The following SMYD3 variants were observed in gnomAD, a reference collection of about 807,000 sequenced individuals.
SMYD3 encodes SET and MYND domain containing 3, also known as histone-lysine N-methyltransferase SMYD3.
Under a neutral mutation model 57.7 loss-of-function variants are expected in SMYD3, and 36 were observed. The ratio of observed to expected loss-of-function variants is 0.62; its 90% CI spans 0.48 to 0.82. SMYD3 has a LOEUF of 0.82. SMYD3 is among the 40% of genes least tolerant of loss of function. SMYD3 has a pLI of 0.00. For synonymous variants in SMYD3, 211 were observed against 195.0 expected, an observed-to-expected ratio of 1.08 and a Z score of -0.68; for missense variants, 515 against 538.8, an observed-to-expected ratio of 0.96 and a Z score of 0.44.
chr1:245,977,049 G>GGCCCAGGGAAAGCCATCGTCTCTA lies in SMYD3; in HGVS notation c.532-47136_532-47113dup, dbSNP rs1558551473. On this transcript the variant is annotated intron_variant, in intron 5 of 11. Coordinates refer to ENST00000490107, the MANE Select transcript of SMYD3 (RefSeq NM_001167740.2). ...TAGCCCAGGGAAAGCCATCGTCTCC[G>GGCCCAGGGAAAGCCATCGTCTCTA]GCCCAGGGAAAGCCATCGTCTCTAG... Among the ~76,000 whole-genome samples the GGCCCAGGGAAAGCCATCGTCTCTA allele has an allele frequency of 9.9e-3, 99 of 10,028 alleles. 26 individuals carry two copies. The highest frequency in any genetic ancestry group is 0.026 in the Non-Finnish European group (58 of 2,254). The allele number at this position is 10,028 out of a possible 152,430, so 6.6% of individuals were successfully genotyped here. A position where few individuals can be genotyped will look rare whatever the true frequency, so the allele number is the denominator to read the frequency against.
At chr1:245,822,377 T>G (rs1289263206) in intron 10 of SMYD3, among the ~76,000 whole-genome samples, 2 of 120,488 alleles carry the variant, frequency 1.7e-5, no homozygotes, top group Non-Finnish European at 3.3e-5. Context: ...AAGGGGAACA[T>G]CACACTCTGG....
At chr1:246,172,701 C>T (rs1320743610) in intron 5 of SMYD3, among the ~76,000 whole-genome samples, 4 of 146,226 alleles carry the variant, frequency 2.7e-5, no homozygotes, top group Non-Finnish European at 6.0e-5. Flanking sequence ...GCCTAGAACA[C>T]TCACTGTTCT....
chr1:246,355,186 C>G lies in SMYD3; in HGVS notation c.165-92G>C. 1 of 1,227,730 alleles carries G rather than the reference C, an allele frequency of 8.1e-7. No homozygotes were observed. Among genetic ancestry groups the G allele is most frequent in the Non-Finnish European group, 1.2e-6 (1 of 836,978 alleles). The allele number at this position is 1,227,730 out of a possible 1,614,324, so 76.1% of individuals were successfully genotyped here. A position where few individuals can be genotyped will look rare whatever the true frequency, so the allele number is the denominator to read the frequency against. On this transcript the variant is annotated intron_variant, in intron 1 of 11. Transcript: ENST00000490107. The surrounding 1 kb of genome is among the most constrained non-coding windows in gnomAD (Gnocchi z 5.0). ...GAAAACATAAGTCAACATACGGACACCCGTATGTTCTGTTTACTCCATTAT... is the reference window on the plus strand; with the variant it reads ...GAAAACATAAGTCAACATACGGACAGCCGTATGTTCTGTTTACTCCATTAT...
chr1:246,239,035 G>C (rs956232495), intron 5 of SMYD3, among the ~76,000 whole-genome samples: 2 of 151,974 alleles, frequency 1.3e-5, no homozygotes, highest in Non-Finnish European at 2.9e-5. Context: ...CACCACGAAA[G>C]CAACGGGAGG....
chr1:246,182,717 T>A (rs2062573360), intron 5 of SMYD3, among the ~76,000 whole-genome samples: 1 of 152,186 alleles, frequency 6.6e-6, no homozygotes, highest in Non-Finnish European at 1.5e-5. Flanking sequence ...CAGATTAGAA[T>A]CCTGTATCTG....
At chr1:245,766,087 A>G (rs1037197889) in intron 10 of SMYD3, among the ~76,000 whole-genome samples, 1 of 152,076 alleles carries the variant, frequency 6.6e-6, no homozygotes, top group Non-Finnish European at 1.5e-5. Flanking sequence ...AAACCGACAG[A>G]AAGTTGGGCA....
chr1:246,245,238 T>C (rs1572270808), intron 5 of SMYD3, among the ~76,000 whole-genome samples: 1 of 150,810 alleles, frequency 6.6e-6, no homozygotes, highest in East Asian at 2.0e-4. Flanking sequence ...AGCCCAGGAG[T>C]TGCAGACCAG....
intron 5 of SMYD3, among the ~76,000 whole-genome samples, chr1:246,082,814 AC>A (rs2060658522): frequency 6.6e-6 from 1 of 151,952 alleles, no homozygotes; most frequent in South Asian, 2.1e-4. Context: ...CTGTGACCTT[AC>A]CCCCAACCCT....
chr1:245,780,274 C>G lies in SMYD3; in HGVS notation c.1077-16125G>C, dbSNP rs1295364480. On this transcript the variant is annotated intron_variant, in intron 10 of 11. Coordinates refer to ENST00000490107, the MANE Select transcript of SMYD3 (RefSeq NM_001167740.2). ...TAATGGCCCAGAAATGGAAACAATC[C>G]AAATGCCTATCATTTTATAAATAAA... is the stretch of plus-strand genomic sequence containing the variant. Among the ~76,000 whole-genome samples the G allele has an allele frequency of 3.9e-5, 6 of 152,202 alleles. No homozygotes were observed. The East Asian group carries it at 5.8e-4, about 15-fold the overall frequency.
At chr1:246,444,807 G>A (rs758281736) in intron 1 of SMYD3, among the ~76,000 whole-genome samples, 9 of 152,136 alleles carry the variant, frequency 5.9e-5, no homozygotes, top group Admixed American at 2.0e-4. Context: ...CACACAAAAC[G>A]CAAAAGCTGT....
intron 5 of SMYD3, among the ~76,000 whole-genome samples, chr1:245,939,415 G>A (rs1265919125): frequency 6.6e-6 from 1 of 152,064 alleles, no homozygotes; most frequent in African/African-American, 2.4e-5. Context: ...CACGAGGTCA[G>A]GAGATCGAGA....
chr1:246,454,960 T>C (rs1009352223), intron 1 of SMYD3, among the ~76,000 whole-genome samples: 2 of 152,166 alleles, frequency 1.3e-5, no homozygotes, highest in East Asian at 3.8e-4. Flanking sequence ...CTCCCATCCC[T>C]TAGATAACCC....
chr1:246,185,300 C>T (rs1400254722), intron 5 of SMYD3, among the ~76,000 whole-genome samples: 1 of 151,938 alleles, frequency 6.6e-6, no homozygotes, highest in African/African-American at 2.4e-5. Context: ...TGCAGTGGCG[C>T]GATCTCGGCT....
At chr1:246,150,896 G>C (rs921082092) in intron 5 of SMYD3, among the ~76,000 whole-genome samples, 1 of 152,180 alleles carries the variant, frequency 6.6e-6, no homozygotes, top group Non-Finnish European at 1.5e-5. Flanking sequence ...ATGGAGGAAG[G>C]CTTGTTCAGA....
chr1:246,314,710 T>C (rs951324117), intron 5 of SMYD3, among the ~76,000 whole-genome samples: 4 of 152,208 alleles, frequency 2.6e-5, no homozygotes, highest in African/African-American at 9.6e-5. Context: ...TGTTTATAAC[T>C]GAGTTATCTG....
intron 5 of SMYD3, among the ~76,000 whole-genome samples, chr1:246,123,422 C>A (rs1235360102): frequency 1.3e-5 from 2 of 152,190 alleles, no homozygotes; most frequent in Non-Finnish European, 2.9e-5. Context: ...CAAAAATTAG[C>A]TGGGCATGGT....
chr1:245,985,147 C>T (rs190733729), intron 5 of SMYD3, among the ~76,000 whole-genome samples: 3 of 152,182 alleles, frequency 2.0e-5, no homozygotes, highest in South Asian at 4.1e-4. Flanking sequence ...TTTGGTCTCC[C>T]GTCCTGGAAT....
chr1:246,453,468 T>C (rs1328484716), intron 1 of SMYD3, among the ~76,000 whole-genome samples: 2 of 151,992 alleles, frequency 1.3e-5, no homozygotes, highest in African/African-American at 4.8e-5. Flanking sequence ...AAATATACTA[T>C]AAAAAGATGC....
intron 5 of SMYD3, among the ~76,000 whole-genome samples, chr1:246,221,663 C>T (rs970732774): frequency 6.6e-6 from 1 of 152,190 alleles, no homozygotes; most frequent in Admixed American, 6.5e-5. Flanking sequence ...CTGGTGCTCA[C>T]GCCAGCACCT....
Sources: gnomAD v4.1 joint callset for allele counts (sites outside exome capture counted in the v4.1 genomes callset) on GRCh38, gnomAD v4.1.1 for gene constraint, Gnocchi (gnomAD v3.1) non-coding constraint, MANE v1.5 for transcripts, NCBI Gene and HGNC (gene_info 2026-07-23, HGNC 2026-07-21) for gene names.